Variants in RASSF2 observed in about 807,000 individuals in gnomAD.
RASSF2 encodes ras association domain-containing protein 2.
Under a neutral mutation model 46.3 loss-of-function variants are expected in RASSF2, and 34 were observed. The observed-to-expected ratio is 0.73, with a 90% CI of 0.56 to 0.98. The LOEUF (loss-of-function observed/expected upper bound fraction) is 0.98. Ranked by LOEUF, RASSF2 falls within the 50% of genes least tolerant of loss-of-function variation. RASSF2 has a pLI of 0.00. For synonymous variants in RASSF2, 158 were observed against 162.5 expected (o/e 0.97, Z 0.21); for missense variants, 364 against 431.2 (o/e 0.84, Z 1.38).
At position 4,784,333 on chromosome 20, in the gene RASSF2, C is replaced by G. The variant is rs1173295683; in HGVS notation, c.921G>C (p.Val307=). ...EVKKLMRKYT[V]LRLMIRQRLE... is the part of the protein sequence containing the mutation. ...GCCTCTGTCGAATCATTAGCCGGAG[C>G]ACGGTGTACCTGGAGACAAGAAACA... Residue 307 remains valine, a synonymous_variant, in exon 12 of 12, where the codon GTG becomes GTC. Coordinates refer to ENST00000379400, the MANE Select transcript of RASSF2 (RefSeq NM_014737.3). 2 of 1,613,768 alleles carry G rather than the reference C, an allele frequency of 1.2e-6. No individual in the cohort carries two copies. The highest frequency in any genetic ancestry group is 1.7e-6 in the Non-Finnish European group (2 of 1,179,782).
intron 2 of RASSF2, 70 bp from the exon 3 acceptor site, chr20:4,801,132 T>C (rs1429574446): frequency 7.8e-7 from 1 of 1,286,944 alleles, no homozygotes; most frequent in Non-Finnish European, 1.1e-6. Context: ...GAACTTGGGG[T>C]GGGGAGGGGG....
intron 2 of RASSF2, among the ~76,000 whole-genome samples, chr20:4,820,513 AAAT>A (rs931872671): frequency 4.6e-5 from 7 of 151,866 alleles, no homozygotes; most frequent in Admixed American, 1.3e-4. Flanking sequence ...CTATGTCAAA[AAAT>A]AATAATAATA....
chr20:4,813,197 C>T (rs1352661773), intron 2 of RASSF2, among the ~76,000 whole-genome samples: 1 of 152,210 alleles, frequency 6.6e-6, no homozygotes, highest in Non-Finnish European at 1.5e-5. Context: ...GGCACAGCCC[C>T]TTCCTGGCAA....
chr20:4,816,981 T>C (rs1258452219), intron 2 of RASSF2, among the ~76,000 whole-genome samples: 1 of 152,180 alleles, frequency 6.6e-6, no homozygotes, highest in Non-Finnish European at 1.5e-5. Flanking sequence ...GGTGCATGCC[T>C]GTAATCCCAG....
chr20:4,801,170 T>A, intron 2 of RASSF2, 108 bp from the exon 3 acceptor site: 1 of 750,650 alleles, frequency 1.3e-6, no homozygotes, highest in Non-Finnish European at 2.3e-6. Context: ...TGGCTCTCCG[T>A]TCCTCCCCAC....
chr20:4,819,629 C>T (rs1928562627), intron 2 of RASSF2, among the ~76,000 whole-genome samples: 1 of 152,086 alleles, frequency 6.6e-6, no homozygotes, highest in Non-Finnish European at 1.5e-5. Flanking sequence ...TATTCAGTAT[C>T]CCACAGCTAG....
chr20:4,822,216 C>T (rs550602160), intron 2 of RASSF2, 113 bp downstream of exon 2: 7 of 152,234 alleles, frequency 4.6e-5, no homozygotes, highest in Admixed American at 6.5e-5. Flanking sequence ...CTAATTCTTT[C>T]CTCCCATTGT....
rs62199440 is a variant in RASSF2 at position 4,789,712 on chromosome 20, G to A, written c.538-15C>T. ...AACACGGATGTCTGTCAATAGAAGG[G>A]CCCAGCTCAGGGTGGGAGTGGGAAC... On this transcript the variant is annotated splice_polypyrimidine_tract_variant and intron_variant, in intron 7 of 11. Transcript: ENST00000379400. 3.7e-6 allele frequency: 6 copies of A among 1,609,112 alleles called. No individual in the cohort carries two copies. In the South Asian group the frequency reaches 4.4e-5, roughly 12 times the overall value.
At position 4,822,338 on chromosome 20, in the gene RASSF2, A is replaced by C. The variant is rs974748750; in HGVS notation, c.-42T>G. 2.6e-5 allele frequency: 4 copies of C among 152,252 alleles called. No homozygotes were observed. The highest frequency in any genetic ancestry group is 9.6e-5 in the African/African-American group (4 of 41,458). 9.4% of individuals were successfully genotyped at this position (152,252 alleles called of 1,614,324 possible). A position where few individuals can be genotyped will look rare whatever the true frequency, so the allele number is the denominator to read the frequency against. Reference sequence around the variant, plus strand: ...TTTACAAGGTACTTACTATATCCCCAGGCTGCCGTAGACACAGCCTTTGCT... The same window carrying C: ...TTTACAAGGTACTTACTATATCCCCCGGCTGCCGTAGACACAGCCTTTGCT... On this transcript the variant is annotated 5_prime_UTR_variant, in exon 2 of 12. Transcript: ENST00000379400.
chr20:4,789,574 C>T, intron 8 of RASSF2, 22 bp downstream of exon 8: 5 of 1,596,994 alleles, frequency 3.1e-6, no homozygotes, highest in Middle Eastern at 1.7e-4. Flanking sequence ...CCATCTGTGG[C>T]CACTCAGCAA....
rs192502863 is a variant in RASSF2, at chr20:4,814,823, G to C, written c.-33+7506C>G. Among the ~76,000 whole-genome samples, 562 of 152,294 alleles carry C rather than the reference G, an allele frequency of 3.7e-3. 5 individuals are homozygous for C. Among genetic ancestry groups the C allele is most frequent in the Non-Finnish European group, 5.6e-3 (383 of 68,028 alleles). On this transcript the variant is annotated intron_variant, in intron 2 of 11. Coordinates refer to ENST00000379400, the MANE Select transcript of RASSF2 (RefSeq NM_014737.3). ...CGGGGGGTTTCCAGACCGTTTCCAG[G>C]GGAAGTTTGCCACAGTAGCACATTC... is the stretch of plus-strand genomic sequence containing the variant.
intron 2 of RASSF2, among the ~76,000 whole-genome samples, chr20:4,807,746 C>G (rs1927455717): frequency 6.6e-6 from 1 of 152,176 alleles, no homozygotes; most frequent in African/African-American, 2.4e-5. Context: ...CTGACTTCTC[C>G]CCACCTTTTT....
chr20:4,802,901 TATATATATATATA>T (rs1194638869), intron 2 of RASSF2, among the ~76,000 whole-genome samples: 1 of 76,274 alleles, frequency 1.3e-5, no homozygotes, highest in Admixed American at 1.5e-4. Flanking sequence ...TATATACATA[TATATATATATATA>T]TTTTTTTTTT....
At position 4,795,797 on chromosome 20, in the gene RASSF2, C is replaced by T. The variant is rs1303363244; in HGVS notation, c.287+18G>A. On this transcript the variant is annotated intron_variant, in intron 5 of 11. Transcript: ENST00000379400. This position sits in a 1 kb window ranked among gnomAD's most constrained non-coding sequence, Gnocchi z 4.0. The stretch of plus-strand genomic sequence containing the variant: ...CAAGCATCCCAGTCATCTCCCTGCC[C>T]CGTCTCTCCTCACTCACCCCTGAGC... 1.2e-6 allele frequency: 2 copies of T among 1,601,646 alleles called. No homozygotes were observed. Among genetic ancestry groups the T allele is most frequent in the South Asian group, 1.1e-5 (1 of 90,616 alleles).
At chr20:4,818,364 A>G (rs1352639003) in intron 2 of RASSF2, among the ~76,000 whole-genome samples, 1 of 152,184 alleles carries the variant, frequency 6.6e-6, no homozygotes, top group Non-Finnish European at 1.5e-5. Flanking sequence ...GCGCTTGAAC[A>G]TATCCCATGA....
chr20:4,822,888 G>T (rs1035446705), intron 1 of RASSF2, among the ~76,000 whole-genome samples: 8 of 152,122 alleles, frequency 5.3e-5, no homozygotes, highest in African/African-American at 1.2e-4. Flanking sequence ...GCCCTCCCCA[G>T]CCCTGCACCT....
intron 2 of RASSF2, among the ~76,000 whole-genome samples, chr20:4,817,109 A>G (rs1244457419): frequency 6.6e-6 from 1 of 152,150 alleles, no homozygotes; most frequent in Non-Finnish European, 1.5e-5. Flanking sequence ...ACATCTCAAA[A>G]ATACATATAT....
chr20:4,819,990 A>G (rs1287014654), intron 2 of RASSF2, among the ~76,000 whole-genome samples: 2 of 152,180 alleles, frequency 1.3e-5, no homozygotes, highest in Non-Finnish European at 2.9e-5. Context: ...ACCTGTGATG[A>G]CAGACTTTAG....
chr20:4,785,809 G>A (rs1020594840), intron 11 of RASSF2, among the ~76,000 whole-genome samples: 6 of 152,046 alleles, frequency 3.9e-5, no homozygotes, highest in Non-Finnish European at 5.9e-5. Flanking sequence ...CCAAGTCTTC[G>A]CAAATAGTCC....
Sources: gnomAD v4.1 joint callset for allele counts (sites outside exome capture counted in the v4.1 genomes callset) on GRCh38, gnomAD v4.1.1 for gene constraint, Gnocchi (gnomAD v3.1) non-coding constraint, MANE v1.5 for transcripts, NCBI Gene and HGNC (gene_info 2026-07-23, HGNC 2026-07-21) for gene names.